The following PEX11A variants were observed in gnomAD, a reference collection of about 807,000 sequenced individuals.
The protein encoded by PEX11A is peroxisomal biogenesis factor 11 alpha.
Under a neutral mutation model 14.4 loss-of-function variants are expected in PEX11A, and 13 were observed. That is an observed-to-expected ratio of 0.90 (90% CI 0.59 to 1.43). The LOEUF (loss-of-function observed/expected upper bound fraction) is 1.43, where lower values mean the gene tolerates loss of function less well. Ranked by LOEUF, PEX11A falls within the 40% of genes most tolerant of loss-of-function variation. The pLI is 0.00. For synonymous variants in PEX11A, 101 were observed against 113.0 expected (o/e 0.89, Z 0.67); for missense variants, 290 against 302.8 (o/e 0.96, Z 0.31).
intron 2 of PEX11A, among the ~76,000 whole-genome samples, chr15:89,686,207 G>C (rs1964673711): frequency 6.6e-6 from 1 of 152,264 alleles, no homozygotes; most frequent in Admixed American, 6.5e-5. Flanking sequence ...TCAGCAGAAA[G>C]ATAAGGTGTA....
chr15:89,690,654 G>C lies in PEX11A; in HGVS notation c.-22C>G, dbSNP rs1163265349. 19 of 1,544,732 alleles carry C rather than the reference G, an allele frequency of 1.2e-5. No individual in the cohort carries two copies. The highest frequency in any genetic ancestry group is 1.5e-5 in the Non-Finnish European group (17 of 1,141,620). On this transcript the variant is annotated 5_prime_UTR_variant, in exon 1 of 3. Transcript: ENST00000300056. ...CCATGGCTTCTAGCCCAAAGGCCACGAGTCGCACGGGGCTCAGGCGTGGGT... is the reference window on the plus strand; with the variant it reads ...CCATGGCTTCTAGCCCAAAGGCCACCAGTCGCACGGGGCTCAGGCGTGGGT...
chr15:89,684,044 G>T, intron 2 of PEX11A, 96 bp from the exon 3 acceptor site: 3 of 877,046 alleles, frequency 3.4e-6, no homozygotes, highest in East Asian at 2.5e-5. Flanking sequence ...GCTTTTTGTT[G>T]TTTTTTGTTG....
chr15:89,690,561 C>G lies in PEX11A; in HGVS notation c.56+16G>C. 1 of 1,548,646 alleles carries G rather than the reference C, an allele frequency of 6.5e-7. No homozygotes were observed. Among genetic ancestry groups the G allele is most frequent in the Non-Finnish European group, 8.7e-7 (1 of 1,144,900 alleles). On this transcript the variant is annotated intron_variant, in intron 1 of 2. Coordinates refer to ENST00000300056, the MANE Select transcript of PEX11A (RefSeq NM_003847.3). Reference sequence around the variant, plus strand: ...TAGGGCGAGAAAGGGGCGGAGGCCGCTGGCACCTGACTCACCTGAAGAGTC... The same window carrying G: ...TAGGGCGAGAAAGGGGCGGAGGCCGGTGGCACCTGACTCACCTGAAGAGTC...
intron 1 of PEX11A, among the ~76,000 whole-genome samples, chr15:89,688,619 C>T (rs1964717935): frequency 6.6e-6 from 1 of 152,166 alleles, no homozygotes; most frequent in African/African-American, 2.4e-5. Flanking sequence ...TCCCGAACTC[C>T]TGACCTCATG....
intron 2 of PEX11A, among the ~76,000 whole-genome samples, chr15:89,685,162 C>T (rs1224274610): frequency 1.4e-5 from 2 of 144,556 alleles, no homozygotes; most frequent in Non-Finnish European, 3.0e-5. Context: ...CAAGATCATG[C>T]CACTGCACTC....
In PEX11A at chr15:89,683,881, C is replaced by T. The variant is rs750815621; in HGVS notation, c.240G>A (p.Leu80=). ...CTAATGTTAAGCATAAGCGAGGTACCAGGTCAGTGGCATGAATGCTCTGCT... is the reference window on the plus strand; with the variant it reads ...CTAATGTTAAGCATAAGCGAGGTACTAGGTCAGTGGCATGAATGCTCTGCT... ...ATEQSIHATD[L]VPRLCLTLAN... The change falls in exon 3 of 3, where the codon CTG becomes CTA. Residue 80 remains leucine (L), a synonymous_variant. Transcript: ENST00000300056. 6.2e-7 allele frequency: 1 copy of T among 1,614,064 alleles called. No individual in the cohort carries two copies. Among genetic ancestry groups the T allele is most frequent in the African/African-American group, 1.3e-5 (1 of 75,040 alleles).
In PEX11A at chr15:89,686,437, G is replaced by C. The variant is rs779731878; in HGVS notation, c.166C>G (p.Arg56Gly). Residue 56 changes from arginine to glycine, a missense_variant, in exon 2 of 3, where the codon CGT (arginine) becomes GGT (glycine). Transcript: ENST00000300056. ...KKLESSVSTG[R>G]KWFRLGNVVH... is the part of the protein sequence containing the mutation. ...CAAGAAACAGGGTACTTACATTTAC[G>C]ACCAGTGCTCACACTGGACTCCAGT... 6.9e-7 allele frequency: 1 copy of C among 1,459,470 alleles called. No homozygotes were observed. Among genetic ancestry groups the C allele is most frequent in the South Asian group, 1.1e-5 (1 of 87,602 alleles). The allele number at this position is 1,459,470 out of a possible 1,614,324, so 90.4% of individuals were successfully genotyped here. A position where few individuals can be genotyped will look rare whatever the true frequency, so the allele number is the denominator to read the frequency against.
At position 89,686,068 on chromosome 15, in the gene PEX11A, A is replaced by G. The variant is rs79853960; in HGVS notation, c.172+363T>C. On this transcript the variant is annotated intron_variant, in intron 2 of 2. Transcript: ENST00000300056. ...AAAAAGGCAGGTGGTCTAGGATATA[A>G]CTATTCCACTCTTGTTTAGAATAAA... is the stretch of plus-strand genomic sequence containing the variant. Among the ~76,000 whole-genome samples the G allele has an allele frequency of 4.1e-3, 617 of 152,340 alleles. 2 individuals carry two copies. Among genetic ancestry groups the G allele is most frequent in the African/African-American group, 0.014 (571 of 41,586 alleles).
chr15:89,686,616 G>A (rs1964681043), intron 1 of PEX11A, 70 bp from the exon 2 acceptor site: 1 of 755,502 alleles, frequency 1.3e-6, no homozygotes, highest in African/African-American at 1.8e-5. Flanking sequence ...AGGAAGTAAG[G>A]GAAAGAGAAA....
Position 89,683,940 on chromosome 15 carries a change from G to A in PEX11A, c.181C>T (p.Leu61=), listed in dbSNP as rs745337321. The part of the protein sequence containing the change: ...SVSTGRKWFR[L]GNVVHAIQAT... Reference sequence around the variant, plus strand: ...TGTATAGCATGTACCACATTGCCTAGTCTGAACCCTGCAAGTAGAACCCAC... The same window carrying A: ...TGTATAGCATGTACCACATTGCCTAATCTGAACCCTGCAAGTAGAACCCAC... Residue 61 remains leucine, a synonymous_variant, in exon 3 of 3, where the codon CTA becomes TTA. Transcript: ENST00000300056. 1.0e-5 allele frequency: 16 copies of A among 1,607,002 alleles called. No homozygotes were observed. The highest frequency in any genetic ancestry group is 1.4e-5 in the Non-Finnish European group (16 of 1,175,056).
intron 1 of PEX11A, chr15:89,687,979 C>T: frequency 1.8e-6 from 1 of 554,526 alleles, no homozygotes. Context: ...CCTCCCAGTT[C>T]AAAATGCTGG....
intron 1 of PEX11A, among the ~76,000 whole-genome samples, chr15:89,689,462 G>A (rs1964755349): frequency 1.3e-5 from 2 of 152,190 alleles, no homozygotes; most frequent in Non-Finnish European, 2.9e-5. Flanking sequence ...AGAGAATGCA[G>A]AGCTGTTAAA....
At chr15:89,688,018 A>G (rs1387398878) in intron 1 of PEX11A, 4 of 541,612 alleles carry the variant, frequency 7.4e-6, no homozygotes, top group South Asian at 1.4e-5. Flanking sequence ...ATTCTCTTAG[A>G]TCTTCACTGG....
intron 2 of PEX11A, 123 bp from the exon 3 acceptor site, chr15:89,684,071 T>C: frequency 4.5e-6 from 3 of 672,968 alleles, no homozygotes; most frequent in Non-Finnish European, 7.6e-6. Flanking sequence ...GGTCTTGCTC[T>C]GTCACACCGG....
In PEX11A at chr15:89,684,080, G is replaced by A. The variant is rs540495359; in HGVS notation, c.173-132C>T. The A allele has an allele frequency of 1.4e-4, 89 of 640,552 alleles. 2 individuals are homozygous for A. The Admixed American group carries it at 1.8e-3, about 13-fold the overall frequency. 39.7% of individuals were successfully genotyped at this position (640,552 alleles called of 1,614,324 possible). A position where few individuals can be genotyped will look rare whatever the true frequency, so the allele number is the denominator to read the frequency against. On this transcript the variant is annotated intron_variant, in intron 2 of 2. Coordinates refer to ENST00000300056, the MANE Select transcript of PEX11A (RefSeq NM_003847.3). ...AGACAGGGTCTTGCTCTGTCACACC[G>A]GCTGGAGTGCAGCGGCACCATCACA...
Position 89,683,624 on chromosome 15 carries a change from CAA to C in PEX11A, c.495_496del (p.Trp166ValfsTer5). ...TGTTTCCTCCTCAGCCACGCTGAAC[CAA>C]AGAGGATCCTGGGATGCTGATTTCT... is the stretch of plus-strand genomic sequence containing the variant. On this transcript the variant is annotated frameshift_variant, in exon 3 of 3. Coordinates refer to ENST00000300056, the MANE Select transcript of PEX11A (RefSeq NM_003847.3). LOFTEE classifies it high-confidence loss of function. 1 of 1,614,094 alleles carries C rather than the reference CAA, an allele frequency of 6.2e-7. No homozygotes were observed. Among genetic ancestry groups the C allele is most frequent in the Non-Finnish European group, 8.5e-7 (1 of 1,179,966 alleles).
chr15:89,690,057 G>C (rs191533366), intron 1 of PEX11A, among the ~76,000 whole-genome samples: 2 of 152,150 alleles, frequency 1.3e-5, no homozygotes, highest in Admixed American at 1.3e-4. Flanking sequence ...GCTTGAACCC[G>C]GGAGGCAGAG....
intron 2 of PEX11A, among the ~76,000 whole-genome samples, chr15:89,684,439 C>A (rs1964647922): frequency 6.6e-6 from 1 of 152,182 alleles, no homozygotes; most frequent in African/African-American, 2.4e-5. Flanking sequence ...ACCAGCTACA[C>A]TTCTTTAGAA....
chr15:89,688,762 C>T (rs1013293274), intron 1 of PEX11A, among the ~76,000 whole-genome samples: 2 of 151,532 alleles, frequency 1.3e-5, no homozygotes, highest in African/African-American at 4.8e-5. Context: ...GTTGCCCAGG[C>T]TGGAGTGCAG....
Sources: gnomAD v4.1 joint callset for allele counts (sites outside exome capture counted in the v4.1 genomes callset) on GRCh38, gnomAD v4.1.1 for gene constraint, MANE v1.5 for transcripts, NCBI Gene and HGNC (gene_info 2026-07-23, HGNC 2026-07-21) for gene names.